Variants in CIITA observed in about 807,000 individuals in gnomAD.
CIITA encodes MHC class II transactivator.
CIITA carries 72 observed loss-of-function variants against 115.1 expected under a neutral mutation model. The observed-to-expected ratio is 0.63, with a 90% confidence interval of 0.52 to 0.76. The LOEUF (loss-of-function observed/expected upper bound fraction) is 0.76. CIITA is among the 30% of genes least tolerant of loss of function. The pLI, the probability that CIITA is intolerant of heterozygous loss-of-function variation, is 0.00. For synonymous variants in CIITA, 763 were observed against 635.6 expected (o/e 1.20, Z -3.02); for missense variants, 1,617 against 1,463.8 (o/e 1.10, Z -1.71).
At chr16:10,905,589 C>A (rs111919072) in intron 10 of CIITA, among the ~76,000 whole-genome samples, 2 of 151,506 alleles carry the variant, frequency 1.3e-5, no homozygotes, top group South Asian at 4.2e-4. Context: ...AGTGAAACCC[C>A]GTCTCCATTA....
intron 3 of CIITA, among the ~76,000 whole-genome samples, 185 bp from the exon 4 acceptor site, chr16:10,898,485 G>C (rs2038365437): frequency 1.3e-5 from 2 of 151,326 alleles, no homozygotes; most frequent in African/African-American, 2.4e-5. Context: ...TCATCCTTTT[G>C]ATTAGATTAA....
rs914598328 is a variant in CIITA at position 10,896,115 on chromosome 16, C to A, written c.295+351C>A. ...TTCCCTTTTCCTCCCAGCTCCTTAGCCAAGCTACTCTAGTATTTGTAATAA... is the reference window on the plus strand; with the variant it reads ...TTCCCTTTTCCTCCCAGCTCCTTAGACAAGCTACTCTAGTATTTGTAATAA... On this transcript the variant is annotated intron_variant, in intron 3 of 19. Transcript: ENST00000324288. 2.0e-5 allele frequency among the ~76,000 whole-genome samples: 3 copies of A among 152,198 alleles called. No individual in the cohort carries two copies. The East Asian group carries it at 5.8e-4, about 29-fold the overall frequency.
Position 10,885,640 on chromosome 16 carries a change from A to G in CIITA, c.52+8258A>G, listed in dbSNP as rs568589442. Among the ~76,000 whole-genome samples the G allele has an allele frequency of 1.3e-4, 20 of 152,170 alleles. 1 individual carries two copies. The South Asian group carries it at 2.5e-3, about 19-fold the overall frequency. ...GTGAGGGGCTTCTTCCTCTACATCC[A>G]GCTCCTCCCCCATCCTGCTCCAAGT... is the stretch of plus-strand genomic sequence containing the variant. On this transcript the variant is annotated intron_variant, in intron 1 of 19. Transcript: ENST00000324288.
rs1022278195 is a variant in CIITA, at chr16:10,924,888, T to C, written c.*1033T>C. The C allele has an allele frequency of 8.5e-5, 13 of 152,252 alleles. No homozygotes were observed. Among genetic ancestry groups the C allele is most frequent in the Admixed American group, 5.2e-4 (8 of 15,288 alleles). 9.4% of individuals were successfully genotyped at this position (152,252 alleles called of 1,614,324 possible). On this transcript the variant is annotated 3_prime_UTR_variant, in exon 20 of 20. Transcript: ENST00000324288. The stretch of plus-strand genomic sequence containing the variant: ...CAGGCAGGTCCAGGGTTTGAGTTCA[T>C]ACCCTGTTACCATTTTGGGGTACCC...
chr16:10,894,888 C>A (rs1264689263), intron 1 of CIITA, among the ~76,000 whole-genome samples: 3 of 152,214 alleles, frequency 2.0e-5, no homozygotes, highest in African/African-American at 7.2e-5. Flanking sequence ...AATAATAATA[C>A]CTTCCTTACA....
In CIITA at chr16:10,920,955, G is replaced by A. The variant is rs751922927; in HGVS notation, c.3150-1212G>A. On this transcript the variant is annotated intron_variant, in intron 16 of 19. Coordinates refer to ENST00000324288, the MANE Select transcript of CIITA (RefSeq NM_000246.4). This position sits in a 1 kb window ranked among gnomAD's most constrained non-coding sequence, Gnocchi z 4.5. ...TGCAGTCTCAGTTCACTGCAACTCC[G>A]CCTCCCGAGTTCAAGCAATTCTCCT... 4.6e-5 allele frequency among the ~76,000 whole-genome samples: 7 copies of A among 151,982 alleles called. No individual in the cohort carries two copies. Among genetic ancestry groups the A allele is most frequent in the Non-Finnish European group, 8.8e-5 (6 of 68,022 alleles).
chr16:10,900,107 A>G (rs1352604087), intron 5 of CIITA, among the ~76,000 whole-genome samples: 4 of 152,038 alleles, frequency 2.6e-5, no homozygotes, highest in Non-Finnish European at 5.9e-5. Flanking sequence ...AAGAATATTC[A>G]GTGAAAAAAA....
intron 13 of CIITA, among the ~76,000 whole-genome samples, chr16:10,912,362 C>T (rs1233945194): frequency 6.6e-6 from 1 of 152,214 alleles, no homozygotes; most frequent in Admixed American, 6.5e-5. Flanking sequence ...GTTCCTCCCA[C>T]CTCAGCCTCC....
chr16:10,877,083 TTC>T, upstream of CIITA: 1 of 604,940 alleles, frequency 1.7e-6, no homozygotes, highest in Non-Finnish European at 2.9e-6. Flanking sequence ...TTAGAGGGTG[TTC>T]AGAAACAGAA....
Position 10,941,523 on chromosome 16 carries a change from G to A in CIITA, n.649G>A. On this transcript the variant is annotated non_coding_transcript_exon_variant, in exon 2 of 2. Coordinates refer to the CIITA transcript ENST00000573379. This position sits in a 1 kb window ranked among gnomAD's most constrained non-coding sequence, Gnocchi z 6.4. ...GCCTGGGAATTCCTCCCTCTCCCTTGCTAGCGCCCCAACCCGCCCTCATCC... is the reference window on the plus strand; with the variant it reads ...GCCTGGGAATTCCTCCCTCTCCCTTACTAGCGCCCCAACCCGCCCTCATCC... 7.2e-6 allele frequency: 10 copies of A among 1,398,436 alleles called. No homozygotes were observed. Among genetic ancestry groups the A allele is most frequent in the Non-Finnish European group, 9.3e-6 (10 of 1,073,258 alleles). The allele number at this position is 1,398,436 out of a possible 1,614,324, so 86.6% of individuals were successfully genotyped here. A position where few individuals can be genotyped will look rare whatever the true frequency, so the allele number is the denominator to read the frequency against.
At chr16:10,902,287 C>G in intron 7 of CIITA, 103 bp downstream of exon 7, 1 of 1,491,050 alleles carries the variant, frequency 6.7e-7, no homozygotes, top group Non-Finnish European at 9.1e-7. Flanking sequence ...CTCACCTCTC[C>G]CCAACCCTAT....
At position 10,903,909 on chromosome 16, in the gene CIITA, G is replaced by A. The variant is rs371156044; in HGVS notation, c.937+14G>A. ...CAAACATGACAGGTAAGGACCCTTA[G>A]GGCCTGTGAGAGGTACTAGAAGCAG... On this transcript the variant is annotated intron_variant, in intron 9 of 19. Coordinates refer to ENST00000324288, the MANE Select transcript of CIITA (RefSeq NM_000246.4). 1.9e-6 allele frequency: 3 copies of A among 1,614,056 alleles called. No homozygotes were observed.
intron 3 of CIITA, among the ~76,000 whole-genome samples, chr16:10,897,309 G>C (rs764286489): frequency 3.3e-5 from 5 of 152,156 alleles, no homozygotes; most frequent in Admixed American, 6.5e-5. Flanking sequence ...CGGTGTGATA[G>C]TCTCTCTTCC....
chr16:10,871,627 C>G (rs1390393860), intron 1 of CIITA, among the ~76,000 whole-genome samples: 1 of 152,174 alleles, frequency 6.6e-6, no homozygotes, highest in Non-Finnish European at 1.5e-5. Context: ...GCTTCCTTCC[C>G]CATCTGGCCC....
chr16:10,877,381 A>T lies in CIITA; in HGVS notation c.51A>T (p.Gln17His), dbSNP rs1438913863. 3.1e-6 allele frequency: 5 copies of T among 1,612,964 alleles called. No individual in the cohort carries two copies. The highest frequency in any genetic ancestry group is 4.2e-6 in the Non-Finnish European group (5 of 1,179,412). The change falls in exon 1 of 20, where the codon CAA (glutamine) becomes CAT (histidine). Residue 17 changes from glutamine to histidine, a missense_variant and splice_region_variant. By Grantham distance (24) the Gln-to-His change is conservative (BLOSUM62 0). Coordinates refer to ENST00000324288, the MANE Select transcript of CIITA (RefSeq NM_000246.4). Reference protein sequence around the residue: ...RPAGSYLSEPQGSSQCATMEL... With the variant: ...RPAGSYLSEPHGSSQCATMEL... ...CTGGGTCCTACCTGTCAGAGCCCCA[A>T]GGTAAAAAGGCCGGGAAAGCATCTT... is the stretch of plus-strand genomic sequence containing the variant.
At chr16:10,915,109 G>T (rs1457378298) in intron 13 of CIITA, 5 of 450,344 alleles carry the variant, frequency 1.1e-5, no homozygotes, top group African/African-American at 8.1e-5. Flanking sequence ...GGAGTGCAGT[G>T]GTGTGATCAT....
In CIITA at chr16:10,908,014, C is replaced by T. The variant is rs1159888268; in HGVS notation, c.2522C>T (p.Thr841Met). 4.4e-6 allele frequency: 7 copies of T among 1,603,126 alleles called. No individual in the cohort carries two copies. The highest frequency in any genetic ancestry group is 1.1e-5 in the South Asian group (1 of 90,218). ...CTCTCTTTTCTGGGCACCCGCCTCA[C>T]GCCTCCTGATGCACATGTACTGGGC... ...GRLSFLGTRLTPPDAHVLGKA... is the reference protein window; with the variant it reads ...GRLSFLGTRLMPPDAHVLGKA... Residue 841 changes from threonine (T) to methionine (M), a missense_variant, in exon 11 of 20, where the codon ACG (threonine) becomes ATG (methionine). Coordinates refer to ENST00000324288, the MANE Select transcript of CIITA (RefSeq NM_000246.4).
chr16:10,905,077 T>G (rs1461781222), intron 10 of CIITA, among the ~76,000 whole-genome samples: 1 of 152,174 alleles, frequency 6.6e-6, no homozygotes, highest in African/African-American at 2.4e-5. Flanking sequence ...AGAGAATGAA[T>G]GAGGGGCAAG....
At chr16:10,869,494 C>A (rs1358940121) in intron 1 of CIITA, among the ~76,000 whole-genome samples, 1 of 150,104 alleles carries the variant, frequency 6.7e-6, no homozygotes, top group East Asian at 1.9e-4. Flanking sequence ...ACACTCTGAG[C>A]CCCCTCCCCA....
Sources: gnomAD v4.1 joint callset for allele counts (sites outside exome capture counted in the v4.1 genomes callset) on GRCh38, gnomAD v4.1.1 for gene constraint, Gnocchi (gnomAD v3.1) non-coding constraint, MANE v1.5 for transcripts, NCBI Gene and HGNC (gene_info 2026-07-23, HGNC 2026-07-21) for gene names.